The following RRAGB variants were observed in gnomAD, a reference collection of about 807,000 sequenced individuals.
RRAGB encodes the protein Ras related GTP binding B.
RRAGB carries 6 observed loss-of-function variants against 29.3 expected under a neutral mutation model. The ratio of observed to expected loss-of-function variants is 0.21; its 90% CI spans 0.11 to 0.40. The LOEUF (loss-of-function observed/expected upper bound fraction) is 0.40. Among genes scored for constraint, RRAGB ranks in the 10% least tolerant of loss-of-function variants. The pLI is 1.00. For missense variants in RRAGB, 184 were observed against 272.9 expected, an observed-to-expected ratio of 0.67 and a Z score of 2.29; for synonymous variants, 101 against 92.5, an observed-to-expected ratio of 1.09 and a Z score of -0.53.
intron 3 of RRAGB, among the ~76,000 whole-genome samples, chrX:55,725,645 A>C (rs1399364395): frequency 2.2e-4 from 25 of 111,581 alleles, no homozygotes; most frequent in Admixed American, 2.1e-3. Context: ...AGAATACATG[A>C]TGGTGATATT....
intron 4 of RRAGB, among the ~76,000 whole-genome samples, chrX:55,729,760 C>A (rs2033610260): frequency 8.9e-6 from 1 of 112,372 alleles, no homozygotes. Flanking sequence ...AGATCAGACA[C>A]TGAGCACACA....
At chrX:55,748,284 C>T (rs1359752643) in intron 5 of RRAGB, among the ~76,000 whole-genome samples, 6 of 112,454 alleles carry the variant, frequency 5.3e-5, no homozygotes, top group Admixed American at 9.3e-5. Flanking sequence ...TCTGCCTGCC[C>T]GCCACCCCGT....
At chrX:55,726,966 A>AAG (rs1277146011) in intron 3 of RRAGB, among the ~76,000 whole-genome samples, 11 of 111,564 alleles carry the variant, frequency 9.9e-5, no homozygotes, top group Non-Finnish European at 1.9e-4. Flanking sequence ...TGGAGTCCTG[A>AAG]AGAGCTCCAA....
chrX:55,722,870 A>G (rs1394918578), intron 3 of RRAGB, among the ~76,000 whole-genome samples: 1 of 111,293 alleles, frequency 9.0e-6, no homozygotes, highest in Non-Finnish European at 1.9e-5. Flanking sequence ...CAGTGAATGT[A>G]GGATCCTGGG....
In RRAGB at chrX:55,757,247, G is replaced by C. The variant is rs1016916986; in HGVS notation, c.859G>C (p.Val287Leu). Residue 287 changes from valine (V) to leucine (L), a missense_variant, in exon 9 of 10, where the codon GTC (valine) becomes CTC (leucine). Transcript: ENST00000374941. ...GGCTGCCTCTTTCCAGAGTATGGAA[G>C]TCAGGAACTCTAACTTCGCTGCTTT... ...KLAASFQSME[V>L]RNSNFAAFID... The C allele has an allele frequency of 2.5e-5, 30 of 1,195,975 alleles. No homozygotes were observed. The highest frequency in any genetic ancestry group is 3.4e-5 in the Non-Finnish European group (30 of 883,478).
intron 5 of RRAGB, among the ~76,000 whole-genome samples, chrX:55,743,993 C>T (rs1215258759): frequency 7.2e-5 from 8 of 111,291 alleles, no homozygotes; most frequent in African/African-American, 2.6e-4. Context: ...ATGGCACCTG[C>T]GTATCATGCA....
intron 5 of RRAGB, among the ~76,000 whole-genome samples, chrX:55,750,517 C>G (rs2034492594): frequency 9.0e-6 from 1 of 111,237 alleles, no homozygotes; most frequent in African/African-American, 3.3e-5. Flanking sequence ...TTAATCTTAA[C>G]TAAAAAAATG....
chrX:55,755,522 C>T (rs970183507), intron 7 of RRAGB: 41 of 734,244 alleles, frequency 5.6e-5, no homozygotes, highest in Admixed American at 2.7e-4. Flanking sequence ...TTTTAAAAAT[C>T]GAAGACCATC....
chrX:55,744,387 CAAAAA>C (rs56294534), intron 5 of RRAGB, among the ~76,000 whole-genome samples: 2 of 35,757 alleles, frequency 5.6e-5, no homozygotes, highest in Non-Finnish European at 1.0e-4. Context: ...CAGAGTGAGC[CAAAAA>C]AAAAAAAAAA....
At position 55,758,585 on chromosome X, in the gene RRAGB, G is replaced by T. The variant is rs778938358; in HGVS notation, c.*242G>T. ...GATATGTAAGTTTTCTGATAACAAG[G>T]TTCTAATAGTGTTTAAATGTACTGG... is the stretch of plus-strand genomic sequence containing the variant. On this transcript the variant is annotated 3_prime_UTR_variant, in exon 10 of 10. Coordinates refer to ENST00000374941, the MANE Select transcript of RRAGB (RefSeq NM_006064.5). 2.2e-3 allele frequency: 571 copies of T among 257,736 alleles called. 1 individual carries two copies. Among genetic ancestry groups the T allele is most frequent in the Non-Finnish European group, 3.4e-3 (494 of 145,063 alleles). 21.2% of individuals were successfully genotyped at this position (257,736 alleles called of 1,213,427 possible).
At position 55,731,574 on chromosome X, in the gene RRAGB, T is replaced by G; in HGVS notation, c.504T>G (p.Asp168Glu). The G allele has an allele frequency of 8.4e-7, 1 of 1,186,494 alleles. No individual in the cohort carries two copies. Among genetic ancestry groups the G allele is most frequent in the Non-Finnish European group, 1.1e-6 (1 of 876,738 alleles). The change falls in exon 5 of 10, where the codon GAT becomes GAG. Residue 168 changes from aspartate (D) to glutamate (E), a missense_variant. Coordinates refer to ENST00000374941, the MANE Select transcript of RRAGB (RefSeq NM_006064.5). ...ACAAAATGGATCTGGTACAGGAGGA[T>G]CAACGGGACCTGGTAAGAAACAGAA... Reference protein sequence around the residue: ...LVHKMDLVQEDQRDLIFKERE... With the variant: ...LVHKMDLVQEEQRDLIFKERE...
intron 7 of RRAGB, among the ~76,000 whole-genome samples, chrX:55,754,907 A>G (rs1252069382): frequency 8.9e-6 from 1 of 111,774 alleles, no homozygotes; most frequent in Non-Finnish European, 1.9e-5. Context: ...GTGAGTAACA[A>G]TGAGCAAGAA....
rs530892157 is a variant in RRAGB at position 55,731,712 on chromosome X, G to A, written c.516+126G>A. On this transcript the variant is annotated intron_variant, in intron 5 of 9. Transcript: ENST00000374941. ...AGTCAGCAGAAGTTTTGAAAGTAAA[G>A]TTTTGTCATTTACTTTAACTAAACA... The A allele has an allele frequency of 5.8e-4, 263 of 450,560 alleles. 1 individual carries two copies. The South Asian group carries it at 9.8e-3, about 17-fold the overall frequency. 37.1% of individuals were successfully genotyped at this position (450,560 alleles called of 1,213,427 possible).
Position 55,757,018 on chromosome X carries a change from A to G in RRAGB, c.828-198A>G, listed in dbSNP as rs780261995. 4.4e-5 allele frequency among the ~76,000 whole-genome samples: 5 copies of G among 112,374 alleles called. No individual in the cohort carries two copies. In the South Asian group the frequency reaches 1.1e-3, roughly 25 times the overall value. ...TCAAGTCCTAGCCCACTTTTGTCCC[A>G]GTTACTTTTCAAAACATGTTAAATT... On this transcript the variant is annotated intron_variant, in intron 8 of 9. Transcript: ENST00000374941.
chrX:55,722,244 C>T lies in RRAGB; in HGVS notation c.185C>T (p.Ala62Val), dbSNP rs1476496076. 1 of 1,197,513 alleles carries T rather than the reference C, an allele frequency of 8.4e-7. No homozygotes were observed. ...GKTSMRSIIF[A>V]NYIARDTRRL... Reference sequence around the variant, plus strand: ...ACCAGCATGAGGTCTATTATCTTTGCAAATTATATTGCCAGAGACACACGT... The same window carrying T: ...ACCAGCATGAGGTCTATTATCTTTGTAAATTATATTGCCAGAGACACACGT... The change falls in exon 3 of 10, where the codon GCA becomes GTA. Residue 62 changes from alanine (A) to valine (V), a missense_variant. Physicochemically the swap from Ala to Val is moderately conservative, Grantham distance 64. Transcript: ENST00000374941.
At chrX:55,752,081 T>C in intron 6 of RRAGB, 1 of 208,921 alleles carries the variant, frequency 4.8e-6, no homozygotes, top group Non-Finnish European at 6.2e-6. Context: ...ATTGGACTTT[T>C]AAATAGCCAT....
Position 55,722,257 on chromosome X carries a change from C to A in RRAGB, c.198C>A (p.Ala66=). 8.4e-7 allele frequency: 1 copy of A among 1,191,139 alleles called. No homozygotes were observed. The highest frequency in any genetic ancestry group is 1.1e-6 in the Non-Finnish European group (1 of 878,881). Residue 66 remains alanine (A), a synonymous_variant, in exon 3 of 10, where the codon GCC becomes GCA. Transcript: ENST00000374941. ...MRSIIFANYI[A]RDTRRLGATI... ...CTATTATCTTTGCAAATTATATTGC[C>A]AGAGACACACGTCGCCTTGGCGCAA...
chrX:55,757,125 C>T (rs1203331515), intron 8 of RRAGB, 91 bp from the exon 9 acceptor site: 2 of 435,719 alleles, frequency 4.6e-6, no homozygotes, highest in Non-Finnish European at 8.3e-6. Context: ...TAGTGCTATA[C>T]CTCAATCATC....
At chrX:55,719,161 G>T (rs1042529830) in intron 1 of RRAGB, among the ~76,000 whole-genome samples, 153 bp from the exon 2 acceptor site, 3 of 111,298 alleles carry the variant, frequency 2.7e-5, no homozygotes, top group Non-Finnish European at 5.7e-5. Context: ...AGGAAAATGG[G>T]ACCTCTATTC....
Sources: gnomAD v4.1 joint callset for allele counts (sites outside exome capture counted in the v4.1 genomes callset) on GRCh38, gnomAD v4.1.1 for gene constraint, MANE v1.5 for transcripts, NCBI Gene and HGNC (gene_info 2026-07-23, HGNC 2026-07-21) for gene names.